ASAP2: variants seen among roughly 807,000 people sequenced by gnomAD.
The protein encoded by ASAP2 is arf-GAP with SH3 domain, ANK repeat and PH domain-containing protein 2.
A neutral mutation model predicts 131.4 loss-of-function variants in ASAP2; 45 were observed. The observed-to-expected ratio is 0.34, with a 90% confidence interval of 0.27 to 0.44. ASAP2 has a LOEUF of 0.44. Ranked by LOEUF, ASAP2 falls within the 20% of genes least tolerant of loss-of-function variation. ASAP2 has a pLI of 1.00. For synonymous variants in ASAP2, 510 were observed against 503.0 expected (o/e 1.01, Z -0.19); for missense variants, 1,011 against 1,297.0 (o/e 0.78, Z 3.39).
chr2:9,269,917 C>A (rs1666222437), intron 1 of ASAP2, among the ~76,000 whole-genome samples: 1 of 152,198 alleles, frequency 6.6e-6, no homozygotes, highest in South Asian at 2.1e-4. Context: ...TGTCCCCGTC[C>A]CCTGTCCTGG....
rs1253556181 is a variant in ASAP2, at chr2:9,391,054, G to A, written c.2384-8G>A. ...TGCATGCGTCTGTGTGCATGCGTGT[G>A]GGTTCAGTTCAGACAGCCTCCTCTG... On this transcript the variant is annotated splice_region_variant and splice_polypyrimidine_tract_variant and intron_variant, in intron 22 of 27. Coordinates refer to ENST00000281419, the MANE Select transcript of ASAP2 (RefSeq NM_003887.3). 6.2e-7 allele frequency: 1 copy of A among 1,614,178 alleles called. No homozygotes were observed. Among genetic ancestry groups the A allele is most frequent in the Admixed American group, 1.7e-5 (1 of 60,030 alleles).
chr2:9,344,049 C>G (rs534184712), intron 9 of ASAP2, among the ~76,000 whole-genome samples: 1 of 152,148 alleles, frequency 6.6e-6, no homozygotes, highest in East Asian at 1.9e-4. Flanking sequence ...GTTTATTGGC[C>G]TTACTGGGTA....
At chr2:9,327,027 A>T (rs1670524004) in intron 6 of ASAP2, among the ~76,000 whole-genome samples, 1 of 152,232 alleles carries the variant, frequency 6.6e-6, no homozygotes, top group Non-Finnish European at 1.5e-5. Flanking sequence ...TGGTTGTTAC[A>T]GGCAGAAGGA....
intron 21 of ASAP2, among the ~76,000 whole-genome samples, chr2:9,387,513 G>A (rs1324589845): frequency 2.0e-5 from 3 of 152,284 alleles, no homozygotes; most frequent in South Asian, 2.1e-4. Context: ...GGAAAACATC[G>A]ATCTCTGCTG....
At chr2:9,308,251 T>C (rs1182821462) in intron 3 of ASAP2, among the ~76,000 whole-genome samples, 1 of 152,190 alleles carries the variant, frequency 6.6e-6, no homozygotes, top group Non-Finnish European at 1.5e-5. Flanking sequence ...CTTACAATCA[T>C]GGCAGAAGGT....
intron 2 of ASAP2, among the ~76,000 whole-genome samples, chr2:9,290,706 T>C (rs957692109): frequency 6.6e-6 from 1 of 152,190 alleles, no homozygotes; most frequent in African/African-American, 2.4e-5. Context: ...GATCTCAGTA[T>C]CTTTATAACC....
intron 11 of ASAP2, among the ~76,000 whole-genome samples, chr2:9,348,262 G>A (rs1275446848): frequency 6.6e-6 from 1 of 152,058 alleles, no homozygotes; most frequent in Non-Finnish European, 1.5e-5. Flanking sequence ...GACTGCAGGT[G>A]CATGCCACCA....
chr2:9,221,847 T>C (rs1026467326), intron 1 of ASAP2, among the ~76,000 whole-genome samples: 4 of 152,164 alleles, frequency 2.6e-5, no homozygotes, highest in African/African-American at 9.7e-5. Flanking sequence ...CAGGCTGGAG[T>C]GCATGGCGCC....
At chr2:9,354,098 A>T (rs1322998695) in intron 12 of ASAP2, among the ~76,000 whole-genome samples, 2 of 152,186 alleles carry the variant, frequency 1.3e-5, no homozygotes, top group Non-Finnish European at 2.9e-5. Context: ...CTCATAGCAA[A>T]TTCAAGTCCT....
intron 1 of ASAP2, among the ~76,000 whole-genome samples, chr2:9,222,293 G>T (rs1662478429): frequency 6.6e-6 from 1 of 152,222 alleles, no homozygotes; most frequent in Non-Finnish European, 1.5e-5. Flanking sequence ...AGATTTGCTT[G>T]CTTGGTCTTT....
chr2:9,207,411 T>G lies in ASAP2; in HGVS notation c.126+181T>G, dbSNP rs2147909900. ...TAGGTGGCTCGGAGGAGATGGGTGA[T>G]GGCCACCTTGGGCCTCTTTAAGACC... On this transcript the variant is annotated intron_variant, in intron 1 of 27. Coordinates refer to ENST00000281419, the MANE Select transcript of ASAP2 (RefSeq NM_003887.3). The surrounding 1 kb of genome is among the most constrained non-coding windows in gnomAD (Gnocchi z 4.1). 6.6e-6 allele frequency among the ~76,000 whole-genome samples: 1 copy of G among 152,252 alleles called. No individual in the cohort carries two copies. The highest frequency in any genetic ancestry group is 2.1e-4 in the South Asian group (1 of 4,826).
At chr2:9,373,244 G>A (rs1311063922) in intron 16 of ASAP2, among the ~76,000 whole-genome samples, 1 of 151,450 alleles carries the variant, frequency 6.6e-6, no homozygotes, top group Non-Finnish European at 1.5e-5. Flanking sequence ...AGTTCACCAG[G>A]TGCCCCTGGA....
At chr2:9,345,654 G>A (rs906732633) in intron 11 of ASAP2, among the ~76,000 whole-genome samples, 10 of 152,042 alleles carry the variant, frequency 6.6e-5, no homozygotes, top group South Asian at 4.1e-4. Flanking sequence ...CCAAGCAGAG[G>A]CCTAGTAGTG....
intron 2 of ASAP2, among the ~76,000 whole-genome samples, chr2:9,285,663 T>G (rs1235096893): frequency 6.6e-6 from 1 of 152,228 alleles, no homozygotes; most frequent in Non-Finnish European, 1.5e-5. Context: ...CCCAGGAAGT[T>G]GAAGCTAACA....
chr2:9,378,059 G>T (rs1378378691), intron 18 of ASAP2, among the ~76,000 whole-genome samples: 1 of 152,186 alleles, frequency 6.6e-6, no homozygotes, highest in Non-Finnish European at 1.5e-5. Context: ...GGACAAAAGT[G>T]GGGGAGAATT....
intron 16 of ASAP2, among the ~76,000 whole-genome samples, chr2:9,373,347 C>T (rs928841981): frequency 2.0e-5 from 3 of 152,370 alleles, no homozygotes; most frequent in African/African-American, 4.8e-5. Flanking sequence ...GCCAGCCTCA[C>T]GCTGCGGCGT....
At chr2:9,310,971 T>A (rs1472472603) in intron 3 of ASAP2, among the ~76,000 whole-genome samples, 1 of 152,194 alleles carries the variant, frequency 6.6e-6, no homozygotes, top group Admixed American at 6.5e-5. Context: ...ACTGAATCAT[T>A]TTATTTCTAC....
rs997581084 is a variant in ASAP2 at position 9,263,146 on chromosome 2, G to A, written c.127-16171G>A. Among the ~76,000 whole-genome samples the A allele has an allele frequency of 4.6e-5, 7 of 152,196 alleles. No homozygotes were observed. In the East Asian group the frequency reaches 1.2e-3, roughly 25 times the overall value. Reference sequence around the variant, plus strand: ...CATGCTGGCTTTCCACTGTCTCGGTGTCCCTGCTGCCTGTCAGTAATGTGC... The same window carrying A: ...CATGCTGGCTTTCCACTGTCTCGGTATCCCTGCTGCCTGTCAGTAATGTGC... On this transcript the variant is annotated intron_variant, in intron 1 of 27. Coordinates refer to ENST00000281419, the MANE Select transcript of ASAP2 (RefSeq NM_003887.3).
At chr2:9,372,950 T>C (rs1010592319) in intron 16 of ASAP2, among the ~76,000 whole-genome samples, 1 of 152,114 alleles carries the variant, frequency 6.6e-6, no homozygotes, top group Non-Finnish European at 1.5e-5. Flanking sequence ...TGGGAATTGA[T>C]TTTTTTCTTA....
Sources: allele counts gnomAD v4.1 joint callset (sites outside exome capture counted in the v4.1 genomes callset), GRCh38; gene constraint gnomAD v4.1.1; non-coding constraint Gnocchi (gnomAD v3.1); transcripts MANE v1.5; gene names NCBI Gene and HGNC (gene_info 2026-07-23, HGNC 2026-07-21).